Variants in NKAIN2 observed in about 807,000 individuals in gnomAD.
NKAIN2 encodes sodium/potassium-transporting ATPase subunit beta-1-interacting protein 2.
A neutral mutation model predicts 32.6 loss-of-function variants in NKAIN2; 14 were observed. That is an observed-to-expected ratio of 0.43 (90% CI 0.28 to 0.67). NKAIN2 has a LOEUF of 0.67. Ranked by LOEUF, NKAIN2 falls within the 30% of genes least tolerant of loss-of-function variation. The pLI, the probability that NKAIN2 is intolerant of heterozygous loss-of-function variation, is 0.17. For missense variants in NKAIN2, 198 were observed against 258.3 expected (o/e 0.77, Z 1.60); for synonymous variants, 80 against 87.2 (o/e 0.92, Z 0.46).
At chr6:123,869,743 A>G (rs6924068) in intron 1 of NKAIN2, among the ~76,000 whole-genome samples, 43,986 of 152,138 alleles carry the variant, frequency 0.29, 7,415 homozygotes, top group Non-Finnish European at 0.38. Flanking sequence ...TTCTCTGTCC[A>G]TGATACCCAC....
rs962550898 is a variant in NKAIN2 at position 124,129,624 on chromosome 6, C to CT, written c.55-153371dup. On this transcript the variant is annotated intron_variant, in intron 1 of 6. Coordinates refer to ENST00000368417, the MANE Select transcript of NKAIN2 (RefSeq NM_001040214.3). Reference sequence around the variant, plus strand: ...TTCTTTTCTCCTTCTGAACAGCAATCTTTTTTTTTTGAGACGAAGTTTCCC... The same window carrying CT: ...TTCTTTTCTCCTTCTGAACAGCAATCTTTTTTTTTTTGAGACGAAGTTTCCC... 5.0e-4 allele frequency among the ~76,000 whole-genome samples: 74 copies of CT among 149,236 alleles called. 1 individual carries two copies. The highest frequency in any genetic ancestry group is 1.6e-3 in the Admixed American group (24 of 14,942).
At chr6:123,897,112 A>G (rs17536935) in intron 1 of NKAIN2, among the ~76,000 whole-genome samples, 1,561 of 152,256 alleles carry the variant, frequency 0.01, 15 homozygotes, top group Middle Eastern at 0.031. Flanking sequence ...TGTAGTAGCT[A>G]TATCAGTCTG....
At chr6:123,968,950 G>GCT (rs1778213455) in intron 1 of NKAIN2, among the ~76,000 whole-genome samples, 1 of 152,128 alleles carries the variant, frequency 6.6e-6, no homozygotes, top group African/African-American at 2.4e-5. Context: ...TGGGCCATGA[G>GCT]CTCTGTGAGG....
rs1206763381 is a variant in NKAIN2 at position 124,825,260 on chromosome 6, C to T, written c.*2031C>T. The T allele has an allele frequency of 1.3e-5, 2 of 152,534 alleles. No homozygotes were observed. The highest frequency in any genetic ancestry group is 6.6e-5 in the Admixed American group (1 of 15,258). The allele number at this position is 152,534 out of a possible 1,614,324, so 9.4% of individuals were successfully genotyped here. A position where few individuals can be genotyped will look rare whatever the true frequency, so the allele number is the denominator to read the frequency against. ...TGTATATGGGTACAGAAAATAAACC[C>T]TCATATTCCTGCTTTAAGTTACAGC... On this transcript the variant is annotated 3_prime_UTR_variant, in exon 7 of 7. Transcript: ENST00000368417.
chr6:124,352,598 T>A (rs1398874537), intron 2 of NKAIN2, among the ~76,000 whole-genome samples: 1 of 151,492 alleles, frequency 6.6e-6, no homozygotes, highest in Admixed American at 6.6e-5. Context: ...CAGCCATTGC[T>A]GAAGTCCTAG....
intron 3 of NKAIN2, among the ~76,000 whole-genome samples, chr6:124,494,711 C>G (rs1365926922): frequency 2.0e-5 from 3 of 152,032 alleles, no homozygotes; most frequent in Non-Finnish European, 2.9e-5. Context: ...ACAATGCAAA[C>G]AGTGTTAGTA....
At chr6:123,911,135 AG>A (rs1242504085) in intron 1 of NKAIN2, among the ~76,000 whole-genome samples, 22 of 152,184 alleles carry the variant, frequency 1.4e-4, no homozygotes, top group African/African-American at 5.1e-4. Context: ...TCTAACTACA[AG>A]GAATATGTAT....
intron 3 of NKAIN2, among the ~76,000 whole-genome samples, chr6:124,561,917 A>C (rs1206947293): frequency 6.6e-6 from 1 of 152,242 alleles, no homozygotes. Context: ...AAAGCAATGC[A>C]TATGGTACCT....
At chr6:124,098,330 G>A (rs1784731992) in intron 1 of NKAIN2, among the ~76,000 whole-genome samples, 2 of 152,100 alleles carry the variant, frequency 1.3e-5, no homozygotes, top group African/African-American at 4.8e-5. Flanking sequence ...TTATTTGAAT[G>A]TCTCACACGA....
At chr6:123,946,615 G>A (rs72972558) in intron 1 of NKAIN2, among the ~76,000 whole-genome samples, 3,045 of 152,268 alleles carry the variant, frequency 0.02, 64 homozygotes, top group Non-Finnish European at 0.025. Context: ...AACTGGAATT[G>A]AGGAGGCAAC....
intron 1 of NKAIN2, among the ~76,000 whole-genome samples, chr6:123,973,839 T>C (rs1195552478): frequency 6.6e-6 from 1 of 152,122 alleles, no homozygotes; most frequent in Non-Finnish European, 1.5e-5. Flanking sequence ...TATAGCTCAA[T>C]GTTGTGATAA....
intron 1 of NKAIN2, among the ~76,000 whole-genome samples, chr6:124,086,546 C>T (rs956607580): frequency 4.6e-5 from 7 of 151,906 alleles, no homozygotes; most frequent in African/African-American, 1.7e-4. Context: ...TAACTATTAC[C>T]AAGTGTGTAA....
intron 1 of NKAIN2, among the ~76,000 whole-genome samples, chr6:124,061,294 A>G (rs2114856304): frequency 6.6e-6 from 1 of 152,246 alleles, no homozygotes; most frequent in Admixed American, 6.5e-5. Flanking sequence ...AGGTGTTTTT[A>G]ATGATTGACT....
intron 1 of NKAIN2, among the ~76,000 whole-genome samples, chr6:124,107,988 G>A (rs771464579): frequency 7.2e-5 from 11 of 152,086 alleles, no homozygotes; most frequent in African/African-American, 1.9e-4. Context: ...CAATGGACAT[G>A]TGAGGTCAAA....
At chr6:123,997,797 G>T (rs62435603) in intron 1 of NKAIN2, among the ~76,000 whole-genome samples, 1 of 151,636 alleles carries the variant, frequency 6.6e-6, no homozygotes, top group South Asian at 2.1e-4. Context: ...TAGAGGCAGG[G>T]TTTCACCGTG....
chr6:124,177,756 G>A (rs889360344), intron 1 of NKAIN2, among the ~76,000 whole-genome samples: 2 of 151,690 alleles, frequency 1.3e-5, no homozygotes, highest in Non-Finnish European at 2.9e-5. Context: ...GAGGCGCAAC[G>A]GAGTTTCTGT....
intron 3 of NKAIN2, among the ~76,000 whole-genome samples, chr6:124,503,531 T>C (rs887662449): frequency 6.6e-6 from 1 of 152,136 alleles, no homozygotes; most frequent in Non-Finnish European, 1.5e-5. Flanking sequence ...GGTGAAGCAG[T>C]CTATATAGGT....
intron 1 of NKAIN2, among the ~76,000 whole-genome samples, chr6:123,938,558 AT>A (rs1197661047): frequency 7.3e-6 from 1 of 136,158 alleles, no homozygotes; most frequent in Non-Finnish European, 1.6e-5. Context: ...ATATTTATAT[AT>A]TTTTATATAT....
At chr6:124,629,302 A>G (rs533024569) in intron 3 of NKAIN2, among the ~76,000 whole-genome samples, 2 of 152,300 alleles carry the variant, frequency 1.3e-5, no homozygotes, top group Non-Finnish European at 2.9e-5. Context: ...GTACTTCTGC[A>G]CCAAAAACTT....
Sources: gnomAD v4.1 joint callset for allele counts (sites outside exome capture counted in the v4.1 genomes callset) on GRCh38, gnomAD v4.1.1 for gene constraint, MANE v1.5 for transcripts, NCBI Gene and HGNC (gene_info 2026-07-23, HGNC 2026-07-21) for gene names.